The following RBFOX1 variants were observed in gnomAD, a reference collection of about 807,000 sequenced individuals.
RBFOX1 encodes RNA binding protein fox-1 homolog 1.
In RBFOX1, 8 loss-of-function variants were observed where a neutral mutation model predicts 57.7. That is an observed-to-expected ratio of 0.14 (90% confidence interval 0.08 to 0.25). The LOEUF (loss-of-function observed/expected upper bound fraction) is 0.25. Ranked by LOEUF, RBFOX1 falls within the 10% of genes least tolerant of loss-of-function variation. The pLI is 1.00. For synonymous variants in RBFOX1, 326 were observed against 222.4 expected (o/e 1.47, Z -4.15); for missense variants, 611 against 548.5 (o/e 1.11, Z -1.14).
chr16:5,250,646 C>T (rs11865807), intron 1 of RBFOX1, among the ~76,000 whole-genome samples: 50,835 of 152,092 alleles, frequency 0.33, 8,643 homozygotes, highest in South Asian at 0.43. Flanking sequence ...ATTCATTCTT[C>T]GGAAAGCCTG....
Position 6,942,041 on chromosome 16 carries a change from C to G in RBFOX1, c.-15-110016C>G, listed in dbSNP as rs139660251. ...ATTAGGAGTTTGAGAGCAGCCTGGCCAAAATGGTGAAACCCCATCTTTACT... is the reference window on the plus strand; with the variant it reads ...ATTAGGAGTTTGAGAGCAGCCTGGCGAAAATGGTGAAACCCCATCTTTACT... On this transcript the variant is annotated intron_variant, in intron 3 of 15. Transcript: ENST00000550418. Among the ~76,000 whole-genome samples the G allele has an allele frequency of 1.5e-3, 229 of 152,124 alleles. 3 individuals are homozygous for G. The highest frequency in any genetic ancestry group is 5.3e-3 in the African/African-American group (218 of 41,496).
chr16:6,707,271 G>C (rs945230381), intron 3 of RBFOX1, among the ~76,000 whole-genome samples: 4 of 152,170 alleles, frequency 2.6e-5, no homozygotes, highest in African/African-American at 9.7e-5. Flanking sequence ...GGGAGCTGCT[G>C]ATCTGTGTTC....
chr16:6,241,707 A>G (rs1370399362), intron 1 of RBFOX1, among the ~76,000 whole-genome samples: 1 of 152,214 alleles, frequency 6.6e-6, no homozygotes, highest in Admixed American at 6.5e-5. Context: ...TCAAATGCAA[A>G]CAATCAACAC....
intron 1 of RBFOX1, among the ~76,000 whole-genome samples, chr16:5,279,476 A>T (rs1047529075): frequency 6.6e-6 from 1 of 151,368 alleles, no homozygotes; most frequent in African/African-American, 2.4e-5. Flanking sequence ...TTACTGAATT[A>T]TACGTCCGTT....
chr16:5,594,235 C>G (rs1596373823), intron 2 of RBFOX1, among the ~76,000 whole-genome samples: 2 of 152,134 alleles, frequency 1.3e-5, no homozygotes, highest in South Asian at 4.1e-4. Context: ...CCTCCTACAT[C>G]TTTATTCTAT....
intron 4 of RBFOX1, among the ~76,000 whole-genome samples, chr16:7,117,601 T>C (rs2066192538): frequency 6.6e-6 from 1 of 152,238 alleles, no homozygotes; most frequent in African/African-American, 2.4e-5. Context: ...AATTAATTAA[T>C]ACTGAGCTCA....
chr16:6,332,722 G>T (rs904983792), intron 2 of RBFOX1, among the ~76,000 whole-genome samples: 2 of 152,122 alleles, frequency 1.3e-5, no homozygotes, highest in Non-Finnish European at 2.9e-5. Flanking sequence ...TAACCATTTA[G>T]TGTATAGGAG....
chr16:7,561,638 G>C (rs1301543320), intron 5 of RBFOX1, among the ~76,000 whole-genome samples: 1 of 152,130 alleles, frequency 6.6e-6, no homozygotes, highest in South Asian at 2.1e-4. Context: ...AAAAACCCCA[G>C]TAGTCCTAGA....
intron 4 of RBFOX1, among the ~76,000 whole-genome samples, chr16:7,461,657 A>G (rs1367944338): frequency 1.3e-5 from 2 of 152,146 alleles, no homozygotes; most frequent in African/African-American, 4.8e-5. Context: ...TGGAATTCAT[A>G]ACAACCCCAT....
intron 2 of RBFOX1, among the ~76,000 whole-genome samples, chr16:6,445,314 G>T (rs534490429): frequency 6.6e-5 from 10 of 152,048 alleles, no homozygotes; most frequent in Non-Finnish European, 1.3e-4. Flanking sequence ...ATGTATACAT[G>T]TGCCATGAAG....
intron 4 of RBFOX1, among the ~76,000 whole-genome samples, chr16:5,891,586 C>A (rs2058045655): frequency 6.6e-6 from 1 of 152,132 alleles, no homozygotes; most frequent in African/African-American, 2.4e-5. Context: ...GCAAAAATGG[C>A]AGAGGGGTTC....
At chr16:7,202,163 A>T (rs1433155114) in intron 4 of RBFOX1, among the ~76,000 whole-genome samples, 1 of 152,320 alleles carries the variant, frequency 6.6e-6, no homozygotes. Context: ...ACTTGAATAG[A>T]CATTTCTTCA....
chr16:7,042,809 C>T (rs567193130), intron 3 of RBFOX1, among the ~76,000 whole-genome samples: 6 of 152,218 alleles, frequency 3.9e-5, no homozygotes. Flanking sequence ...ACCTGGAATC[C>T]CAGGTACTCG....
intron 2 of RBFOX1, among the ~76,000 whole-genome samples, chr16:5,512,891 G>A (rs900444832): frequency 6.6e-6 from 1 of 152,030 alleles, no homozygotes; most frequent in African/African-American, 2.4e-5. Flanking sequence ...GTCTTTTAAG[G>A]TCCTCTGGAC....
intron 14 of RBFOX1, among the ~76,000 whole-genome samples, chr16:7,678,459 C>A (rs1286824907): frequency 6.6e-6 from 1 of 152,062 alleles, no homozygotes; most frequent in Non-Finnish European, 1.5e-5. Flanking sequence ...AGCTGCAACC[C>A]TTAATTATTT....
intron 2 of RBFOX1, among the ~76,000 whole-genome samples, chr16:5,520,141 C>T (rs933475872): frequency 6.6e-6 from 1 of 152,056 alleles, no homozygotes; most frequent in Non-Finnish European, 1.5e-5. Flanking sequence ...TGTGTAACCC[C>T]AGAGGGGAAA....
At chr16:7,112,377 T>TG (rs2064968558) in intron 4 of RBFOX1, among the ~76,000 whole-genome samples, 1 of 47,126 alleles carries the variant, frequency 2.1e-5, no homozygotes. Flanking sequence ...TAATTTTTTG[T>TG]ATTTTTTTTT....
At chr16:6,320,297 T>C (rs1275411137) in intron 2 of RBFOX1, among the ~76,000 whole-genome samples, 1 of 152,054 alleles carries the variant, frequency 6.6e-6, no homozygotes, top group Non-Finnish European at 1.5e-5. Context: ...ACATGCCACA[T>C]CTATCTTTTC....
At position 6,019,462 on chromosome 16, in the gene RBFOX1, C is replaced by G; in HGVS notation, c.-657C>G. The G allele has an allele frequency of 3.0e-6, 3 of 994,362 alleles. No homozygotes were observed. Among genetic ancestry groups the G allele is most frequent in the Non-Finnish European group, 3.6e-6 (3 of 836,146 alleles). 61.6% of individuals were successfully genotyped at this position (994,362 alleles called of 1,614,324 possible). On this transcript the variant is annotated 5_prime_UTR_variant, in exon 1 of 16. Coordinates refer to ENST00000550418, the MANE Select transcript of RBFOX1 (RefSeq NM_018723.4). This position sits in a 1 kb window ranked among gnomAD's most constrained non-coding sequence, Gnocchi z 4.2. ...CGTCGGGTGGGGAAACCCGAACTCG[C>G]GGAGGGGAATCCCTCCCCCTCCGCC...
Sources: gnomAD v4.1 joint callset for allele counts (sites outside exome capture counted in the v4.1 genomes callset) on GRCh38, gnomAD v4.1.1 for gene constraint, Gnocchi (gnomAD v3.1) non-coding constraint, MANE v1.5 for transcripts, NCBI Gene and HGNC (gene_info 2026-07-23, HGNC 2026-07-21) for gene names.